Variants in RBFOX1 observed in about 807,000 individuals in gnomAD.
The protein encoded by RBFOX1 is RNA binding protein fox-1 homolog 1.
A neutral mutation model predicts 57.7 loss-of-function variants in RBFOX1; 8 were observed. That is an observed-to-expected ratio of 0.14 (90% CI 0.08 to 0.25). RBFOX1 has a LOEUF of 0.25. Ranked by LOEUF, RBFOX1 falls within the 10% of genes least tolerant of loss-of-function variation. The pLI, the probability that RBFOX1 is intolerant of heterozygous loss-of-function variation, is 1.00. For missense variants in RBFOX1, 611 were observed against 548.5 expected (o/e 1.11, Z -1.14); for synonymous variants, 326 against 222.4 (o/e 1.47, Z -4.15).
rs934752619 is a variant in RBFOX1 at position 7,523,005 on chromosome 16, C to T, written c.270+4616C>T. Among the ~76,000 whole-genome samples the T allele has an allele frequency of 2.0e-5, 3 of 152,296 alleles. No homozygotes were observed. The East Asian group carries it at 5.8e-4, about 29-fold the overall frequency. On this transcript the variant is annotated intron_variant, in intron 5 of 15. Coordinates refer to ENST00000550418, the MANE Select transcript of RBFOX1 (RefSeq NM_018723.4). Reference sequence around the variant, plus strand: ...GATCCTCCCCTCCTCCTCCTTGCCTCATCCCCAGGGAACCAGTGGGTCTGC... The same window carrying T: ...GATCCTCCCCTCCTCCTCCTTGCCTTATCCCCAGGGAACCAGTGGGTCTGC...
At chr16:5,553,342 G>T (rs181949111) in intron 2 of RBFOX1, among the ~76,000 whole-genome samples, 26 of 149,592 alleles carry the variant, frequency 1.7e-4, no homozygotes, top group Admixed American at 1.5e-3. Context: ...TTGAGATGGA[G>T]TCTCACTCTT....
intron 3 of RBFOX1, among the ~76,000 whole-genome samples, chr16:5,735,491 CT>C (rs1377695995): frequency 6.6e-6 from 1 of 152,236 alleles, no homozygotes; most frequent in Non-Finnish European, 1.5e-5. Flanking sequence ...ATGCCCCACC[CT>C]TCAGTTCCTT....
intron 2 of RBFOX1, among the ~76,000 whole-genome samples, chr16:6,504,169 C>G (rs1454787143): frequency 6.6e-6 from 1 of 152,154 alleles, no homozygotes; most frequent in African/African-American, 2.4e-5. Flanking sequence ...CTGGATAAAG[C>G]ACCATGTATC....
At chr16:7,633,935 C>A (rs191586045) in intron 11 of RBFOX1, among the ~76,000 whole-genome samples, 2 of 152,168 alleles carry the variant, frequency 1.3e-5, no homozygotes, top group African/African-American at 4.8e-5. Flanking sequence ...ACTACAAAAC[C>A]ATTCCCCATT....
intron 1 of RBFOX1, among the ~76,000 whole-genome samples, chr16:6,112,426 C>T (rs907890078): frequency 6.6e-6 from 1 of 152,184 alleles, no homozygotes; most frequent in African/African-American, 2.4e-5. Context: ...CACGGTGACT[C>T]ACGCCTGTAA....
chr16:5,818,409 G>C (rs2055721894), intron 3 of RBFOX1, among the ~76,000 whole-genome samples: 1 of 152,124 alleles, frequency 6.6e-6, no homozygotes, highest in South Asian at 2.1e-4. Flanking sequence ...TCCTGCTCTT[G>C]GGTCGTGGAG....
intron 14 of RBFOX1, among the ~76,000 whole-genome samples, chr16:7,703,036 A>C (rs73498752): frequency 6.6e-6 from 1 of 152,214 alleles, no homozygotes; most frequent in Admixed American, 6.5e-5. Context: ...ATTTGACCCT[A>C]TACAGGGAAG....
At chr16:7,352,319 A>C (rs968413136) in intron 4 of RBFOX1, among the ~76,000 whole-genome samples, 4 of 151,792 alleles carry the variant, frequency 2.6e-5, no homozygotes, top group Admixed American at 2.0e-4. Flanking sequence ...CTGTCCTTCC[A>C]CTCTGGGCCT....
chr16:7,300,646 A>G (rs185980764), intron 4 of RBFOX1, among the ~76,000 whole-genome samples: 4 of 152,208 alleles, frequency 2.6e-5, no homozygotes, highest in African/African-American at 9.6e-5. Context: ...TGCTATTTCA[A>G]CAGCCTTGGG....
chr16:5,763,198 C>G (rs887316906), intron 3 of RBFOX1, among the ~76,000 whole-genome samples: 3 of 152,154 alleles, frequency 2.0e-5, no homozygotes, highest in African/African-American at 7.2e-5. Flanking sequence ...CTTCCTTCCC[C>G]GCTGTTGGCA....
At chr16:7,035,455 T>C (rs758056565) in intron 3 of RBFOX1, among the ~76,000 whole-genome samples, 1 of 152,218 alleles carries the variant, frequency 6.6e-6, no homozygotes, top group Non-Finnish European at 1.5e-5. Context: ...TATTTGAATA[T>C]TAAGTACAGA....
chr16:6,366,712 C>G (rs986934922), intron 2 of RBFOX1, among the ~76,000 whole-genome samples: 1 of 152,096 alleles, frequency 6.6e-6, no homozygotes, highest in African/African-American at 2.4e-5. Context: ...AGTATTATCC[C>G]AAGTTTACAG....
intron 4 of RBFOX1, among the ~76,000 whole-genome samples, chr16:7,277,847 G>A (rs1488804751): frequency 6.6e-6 from 1 of 151,822 alleles, no homozygotes; most frequent in Non-Finnish European, 1.5e-5. Flanking sequence ...GTCAGTGTTT[G>A]AGAACACTTT....
At chr16:6,779,420 G>C (rs142823221) in intron 3 of RBFOX1, among the ~76,000 whole-genome samples, 2 of 151,716 alleles carry the variant, frequency 1.3e-5, no homozygotes, top group Non-Finnish European at 2.9e-5. Context: ...TCATACATTG[G>C]TGGACACTCA....
At chr16:5,276,148 CA>C (rs1314224238) in intron 1 of RBFOX1, among the ~76,000 whole-genome samples, 1 of 152,102 alleles carries the variant, frequency 6.6e-6, no homozygotes, top group Non-Finnish European at 1.5e-5. Flanking sequence ...ACCAAGAACC[CA>C]AAAGCAAGTG....
intron 4 of RBFOX1, among the ~76,000 whole-genome samples, chr16:7,141,408 C>A (rs1302253536): frequency 1.3e-5 from 2 of 152,282 alleles, no homozygotes; most frequent in Non-Finnish European, 2.9e-5. Flanking sequence ...TGGGCGGCAG[C>A]TAGAAGACCT....
intron 5 of RBFOX1, among the ~76,000 whole-genome samples, chr16:7,568,062 A>G (rs1347961377): frequency 1.3e-5 from 2 of 152,098 alleles, no homozygotes; most frequent in Non-Finnish European, 2.9e-5. Flanking sequence ...AAAGGATTCT[A>G]TTGCTACTGG....
In RBFOX1 at chr16:7,362,393, GTGAT is replaced by G. The variant is rs538816902; in HGVS notation, c.28-155751_28-155748del. On this transcript the variant is annotated intron_variant, in intron 4 of 15. Coordinates refer to ENST00000550418, the MANE Select transcript of RBFOX1 (RefSeq NM_018723.4). ...TGTGTGTGTATGTGTTAATGTGTGT[GTGAT>G]TGTGTGTATATGTTTTGTGTGTATG... 8.6e-4 allele frequency among the ~76,000 whole-genome samples: 130 copies of G among 151,808 alleles called. No individual in the cohort carries two copies. In the Middle Eastern group the frequency reaches 0.01, roughly 12 times the overall value.
intron 3 of RBFOX1, among the ~76,000 whole-genome samples, chr16:6,799,272 G>A (rs1263625044): frequency 6.6e-6 from 1 of 152,156 alleles, no homozygotes; most frequent in Admixed American, 6.5e-5. Context: ...CACAGGCCGA[G>A]TAGCACTCCT....
Sources: gnomAD v4.1 joint callset for allele counts (sites outside exome capture counted in the v4.1 genomes callset) on GRCh38, gnomAD v4.1.1 for gene constraint, MANE v1.5 for transcripts, NCBI Gene and HGNC (gene_info 2026-07-23, HGNC 2026-07-21) for gene names.